Variants in ADAMTSL1 observed in about 807,000 individuals in gnomAD.
The protein encoded by ADAMTSL1 is ADAMTS like 1, also known as ADAMTS-like protein 1.
Under a neutral mutation model 201.8 loss-of-function variants are expected in ADAMTSL1, and 126 were observed. The observed-to-expected ratio is 0.62, with a 90% CI of 0.54 to 0.72. The LOEUF (loss-of-function observed/expected upper bound fraction) is 0.72, where lower values mean the gene tolerates loss of function less well. Among genes scored for constraint, ADAMTSL1 ranks in the 30% least tolerant of loss-of-function variants. The pLI is 0.00. For missense variants in ADAMTSL1, 2,679 were observed against 2,277.8 expected (o/e 1.18, Z -3.59); for synonymous variants, 1,121 against 903.4 (o/e 1.24, Z -4.32).
chr9:18,661,961 T>C lies in ADAMTSL1; in HGVS notation c.973T>C (p.Tyr325His). The change falls in exon 9 of 29, where the codon TAC (tyrosine) becomes CAC (histidine). Residue 325 changes from tyrosine (Y) to histidine (H), a missense_variant. Tyr to His is a moderately conservative substitution (Grantham distance 83). Coordinates refer to ENST00000380548, the MANE Select transcript of ADAMTSL1 (RefSeq NM_001040272.6). The part of the protein sequence containing the change: ...GGYQLTSAEC[Y>H]DLRSNRVVAD... ...TTATCAGCTGACATCGGCTGAGTGC[T>C]ACGATCTGAGGAGCAACCGTGTGGT... 1 of 1,613,922 alleles carries C rather than the reference T, an allele frequency of 6.2e-7. No homozygotes were observed. Among genetic ancestry groups the C allele is most frequent in the Non-Finnish European group, 8.5e-7 (1 of 1,179,874 alleles).
intron 2 of ADAMTSL1, among the ~76,000 whole-genome samples, chr9:18,205,606 C>CTAGGTCTCTCTGG (rs1377010199): frequency 6.6e-6 from 1 of 152,092 alleles, no homozygotes; most frequent in African/African-American, 2.4e-5. Context: ...GAAAAGCAAG[C>CTAGGTCTCTCTGG]TAGGTCTCTC....
Position 18,819,430 on chromosome 9 carries a change from TG to T in ADAMTSL1, c.3934+2196del, listed in dbSNP as rs1407492175. On this transcript the variant is annotated intron_variant, in intron 21 of 28. Coordinates refer to ENST00000380548, the MANE Select transcript of ADAMTSL1 (RefSeq NM_001040272.6). ...GAGATCGAACCACTGCACTCCAGCC[TG>T]GGCAATAGAGCAAGACTCTGTCTCA... is the stretch of plus-strand genomic sequence containing the variant. 2.1e-5 allele frequency among the ~76,000 whole-genome samples: 3 copies of T among 145,480 alleles called. No homozygotes were observed. The Admixed American group carries it at 2.1e-4, about 10-fold the overall frequency.
chr9:18,232,159 A>G (rs1355203012), intron 2 of ADAMTSL1, among the ~76,000 whole-genome samples: 1 of 152,006 alleles, frequency 6.6e-6, no homozygotes, highest in African/African-American at 2.4e-5. Flanking sequence ...TTTTCCTCCT[A>G]TTCTTCTCCT....
intron 1 of ADAMTSL1, among the ~76,000 whole-genome samples, chr9:18,152,004 G>A (rs186894006): frequency 9.1e-4 from 138 of 152,078 alleles, no homozygotes; most frequent in South Asian, 3.5e-3. Flanking sequence ...GAAATCCCTG[G>A]TATATATTAC....
intron 2 of ADAMTSL1, among the ~76,000 whole-genome samples, chr9:18,334,533 T>G (rs78842043): frequency 6.6e-6 from 1 of 152,208 alleles, no homozygotes; most frequent in Non-Finnish European, 1.5e-5. Flanking sequence ...ATTGTAAATT[T>G]AAAACTCTTA....
chr9:18,099,335 ATATATATATATATATATATATT>A (rs1382033118), intron 1 of ADAMTSL1, among the ~76,000 whole-genome samples: 1 of 42,094 alleles, frequency 2.4e-5, no homozygotes, highest in Non-Finnish European at 5.4e-5. Context: ...AAATATATAT[ATATATATATATATATATATATT>A]TTTTTTTTTT....
intron 26 of ADAMTSL1, among the ~76,000 whole-genome samples, chr9:18,901,533 G>T (rs1830017811): frequency 6.6e-6 from 1 of 152,128 alleles, no homozygotes; most frequent in Non-Finnish European, 1.5e-5. Flanking sequence ...ATGTAAAGTG[G>T]GGATGGGAAA....
At position 18,504,840 on chromosome 9, in the gene ADAMTSL1, C is replaced by A; in HGVS notation, c.75C>A (p.Thr25=). ...TTTGTTTCTCACAGAGTTCCAGGACCGCACGCTCCGAGGAGGACCGGGACG... is the reference window on the plus strand; with the variant it reads ...TTTGTTTCTCACAGAGTTCCAGGACAGCACGCTCCGAGGAGGACCGGGACG... ...FLAFLLLSSR[T]ARSEEDRDGL... is the part of the protein sequence containing the mutation. Residue 25 remains threonine, a synonymous_variant, in exon 2 of 29, where the codon ACC becomes ACA. Transcript: ENST00000380548. 1 of 1,614,140 alleles carries A rather than the reference C, an allele frequency of 6.2e-7. No individual in the cohort carries two copies. Among genetic ancestry groups the A allele is most frequent in the Non-Finnish European group, 8.5e-7 (1 of 1,180,020 alleles).
At chr9:18,538,557 C>T (rs1819937640) in intron 3 of ADAMTSL1, among the ~76,000 whole-genome samples, 1 of 151,956 alleles carries the variant, frequency 6.6e-6, no homozygotes, top group South Asian at 2.1e-4. Context: ...AGTTTAGTAA[C>T]TGGCATGACT....
intron 23 of ADAMTSL1, among the ~76,000 whole-genome samples, chr9:18,881,346 A>G (rs1828522125): frequency 6.6e-6 from 1 of 152,146 alleles, no homozygotes; most frequent in Non-Finnish European, 1.5e-5. Flanking sequence ...AAGATGTACA[A>G]CTTTTTCTTT....
chr9:18,167,797 G>A (rs916957269), intron 2 of ADAMTSL1, among the ~76,000 whole-genome samples: 1 of 151,916 alleles, frequency 6.6e-6, no homozygotes, highest in African/African-American at 2.4e-5. Context: ...AATTTAATTT[G>A]CTTAATTATA....
At chr9:17,942,484 A>C (rs976962146) in intron 1 of ADAMTSL1, among the ~76,000 whole-genome samples, 7 of 152,190 alleles carry the variant, frequency 4.6e-5, no homozygotes, top group Admixed American at 3.9e-4. Context: ...TAAGTTCCCC[A>C]TTAAATTGAG....
At chr9:18,063,366 G>T (rs1822545985) in intron 1 of ADAMTSL1, among the ~76,000 whole-genome samples, 1 of 152,154 alleles carries the variant, frequency 6.6e-6, no homozygotes, top group South Asian at 2.1e-4. Flanking sequence ...ATTGTAAAAG[G>T]TTCATGTGTA....
At chr9:18,363,099 G>A (rs1465522780) in intron 2 of ADAMTSL1, among the ~76,000 whole-genome samples, 1 of 152,178 alleles carries the variant, frequency 6.6e-6, no homozygotes, top group South Asian at 2.1e-4. Flanking sequence ...AAGTGTTATG[G>A]GAGACAAAGC....
chr9:17,935,299 T>A (rs1189859938), intron 1 of ADAMTSL1, among the ~76,000 whole-genome samples: 6 of 152,174 alleles, frequency 3.9e-5, no homozygotes, highest in Non-Finnish European at 7.3e-5. Context: ...GTCTCCCATG[T>A]TCCCCCGGCA....
rs117317794 is a variant in ADAMTSL1, at chr9:18,118,315, T to A, written c.88-45547T>A. On this transcript the variant is annotated intron_variant, in intron 1 of 29. Coordinates refer to the ADAMTSL1 transcript ENST00000680146. ...AGAAGATGTGTATGGAAAAGGAGGA[T>A]CCAGTGTGAAATCTCTTTCTATTTT... Among the ~76,000 whole-genome samples the A allele has an allele frequency of 9.1e-4, 138 of 152,306 alleles. 1 individual carries two copies. Among genetic ancestry groups the A allele is most frequent in the African/African-American group, 3.3e-3 (136 of 41,570 alleles).
intron 2 of ADAMTSL1, among the ~76,000 whole-genome samples, chr9:18,290,683 C>T (rs1194106714): frequency 1.3e-5 from 2 of 151,790 alleles, no homozygotes; most frequent in Non-Finnish European, 2.9e-5. Flanking sequence ...AGGAAAACAA[C>T]CAATGAAAGA....
rs1334615032 is a variant in ADAMTSL1, at chr9:18,706,875, A to C, written c.1703A>C (p.Glu568Ala). ...GCTGACCTGCCTATTGACGAGTGTG[A>C]AGGGCCCAAGCCAGCATCCCAGCGT... ...SVADLPIDEC[E>A]GPKPASQRAC... is the part of the protein sequence containing the mutation. Residue 568 changes from glutamate to alanine, a missense_variant, in exon 14 of 29, where the codon GAA (glutamate) becomes GCA (alanine). Coordinates refer to ENST00000380548, the MANE Select transcript of ADAMTSL1 (RefSeq NM_001040272.6). 5 of 1,613,774 alleles carry C rather than the reference A, an allele frequency of 3.1e-6. No individual in the cohort carries two copies. The highest frequency in any genetic ancestry group is 4.2e-6 in the Non-Finnish European group (5 of 1,179,790).
At chr9:18,079,503 A>G (rs1372710446) in intron 1 of ADAMTSL1, among the ~76,000 whole-genome samples, 1 of 151,976 alleles carries the variant, frequency 6.6e-6, no homozygotes, top group Non-Finnish European at 1.5e-5. Flanking sequence ...TAACACGGTG[A>G]AACCCCGTCT....
Sources: allele counts gnomAD v4.1 joint callset (sites outside exome capture counted in the v4.1 genomes callset), GRCh38; gene constraint gnomAD v4.1.1; transcripts MANE v1.5; gene names NCBI Gene and HGNC (gene_info 2026-07-23, HGNC 2026-07-21).